ANKRD31: variants seen among roughly 807,000 people sequenced by gnomAD.
ANKRD31 encodes ankyrin repeat domain 31, also known as ankyrin repeat domain-containing protein 31.
In ANKRD31, 147 loss-of-function variants were observed where a neutral mutation model predicts 186.0. The ratio of observed to expected loss-of-function variants is 0.79; its 90% confidence interval spans 0.69 to 0.91. The LOEUF (loss-of-function observed/expected upper bound fraction) is 0.91, where lower values mean the gene tolerates loss of function less well. Among genes scored for constraint, ANKRD31 ranks in the 40% least tolerant of loss-of-function variants. The pLI, the probability that ANKRD31 is intolerant of heterozygous loss-of-function variation, is 0.00. For missense variants in ANKRD31, 1,986 were observed against 2,148.8 expected, an observed-to-expected ratio of 0.92 and a Z score of 1.50; for synonymous variants, 673 against 736.4, an observed-to-expected ratio of 0.91 and a Z score of 1.39.
chr5:75,188,759 G>C (rs1212674821), intron 9 of ANKRD31, 111 bp from the exon 10 acceptor site: 8 of 880,324 alleles, frequency 9.1e-6, no homozygotes, highest in Non-Finnish European at 1.3e-5. Context: ...TAGGTAACAG[G>C]ATTAACTCAG....
chr5:75,189,431 C>T (rs1754955581), intron 9 of ANKRD31, among the ~76,000 whole-genome samples: 1 of 152,134 alleles, frequency 6.6e-6, no homozygotes, highest in South Asian at 2.1e-4. Flanking sequence ...ATCCTAAAAC[C>T]TTACAAAGGT....
intron 4 of ANKRD31, among the ~76,000 whole-genome samples, chr5:75,210,589 G>C (rs1756559611): frequency 6.6e-6 from 1 of 152,122 alleles, no homozygotes; most frequent in African/African-American, 2.4e-5. Context: ...GCACCTTCAA[G>C]CTATGCTTTA....
intron 3 of ANKRD31, among the ~76,000 whole-genome samples, chr5:75,213,919 A>G (rs1019261196): frequency 6.6e-6 from 1 of 152,222 alleles, no homozygotes; most frequent in African/African-American, 2.4e-5. Flanking sequence ...CTGGCTCTCC[A>G]TGACACACTG....
At chr5:75,120,031 G>A (rs953274778) in intron 17 of ANKRD31, among the ~76,000 whole-genome samples, 1 of 152,152 alleles carries the variant, frequency 6.6e-6, no homozygotes, top group South Asian at 2.1e-4. Context: ...GTTGCTCTGA[G>A]TAACTCTTAA....
At chr5:75,121,180 T>TCA (rs1554074365) in intron 17 of ANKRD31, among the ~76,000 whole-genome samples, 1 of 124,480 alleles carries the variant, frequency 8.0e-6, no homozygotes, top group Admixed American at 8.3e-5. Flanking sequence ...AGACTCTATA[T>TCA]AAAAAAAAAA....
chr5:75,188,625 A>G lies in ANKRD31; in HGVS notation c.1432T>C (p.Ser478Pro), dbSNP rs1233133599. Residue 478 changes from serine (S) to proline (P), a missense_variant, in exon 10 of 26, where the codon TCT (serine) becomes CCT (proline). Ser to Pro is a moderately conservative substitution (Grantham distance 74). Coordinates refer to ENST00000506364, the MANE Select transcript of ANKRD31 (RefSeq NM_001372053.1). ...KKEKMKVNKI[S>P]LHSINRRNIF... The stretch of plus-strand genomic sequence containing the variant: ...TTTCTCCGGTTAATGCTATGAAGAG[A>G]TATTTTGTTCACCTTCATTTTTTCT... 2 of 1,531,140 alleles carry G rather than the reference A, an allele frequency of 1.3e-6. No homozygotes were observed. The highest frequency in any genetic ancestry group is 2.0e-5 in the Admixed American group (1 of 49,756). 94.8% of individuals were successfully genotyped at this position (1,531,140 alleles called of 1,614,324 possible).
intron 10 of ANKRD31, among the ~76,000 whole-genome samples, chr5:75,177,611 A>G (rs202037124): frequency 6.6e-6 from 1 of 152,240 alleles, no homozygotes; most frequent in East Asian, 1.9e-4. Flanking sequence ...TTTCAAACCA[A>G]AATTTCATAT....
At chr5:75,140,007 A>G (rs1750892845) in intron 15 of ANKRD31, among the ~76,000 whole-genome samples, 1 of 152,068 alleles carries the variant, frequency 6.6e-6, no homozygotes, top group Admixed American at 6.6e-5. Flanking sequence ...AGGGCCAGGC[A>G]CGGTGGCTGA....
chr5:75,135,620 C>G (rs1263599171), intron 17 of ANKRD31, among the ~76,000 whole-genome samples: 2 of 152,088 alleles, frequency 1.3e-5, no homozygotes, highest in Admixed American at 6.5e-5. Flanking sequence ...CAATGCCATC[C>G]CCATCAAGCT....
At position 75,112,562 on chromosome 5, in the gene ANKRD31, T is replaced by G. The variant is rs1425563835; in HGVS notation, c.4194A>C (p.Glu1398Asp). ...CAAACTCTAATAAATATTCTTGTTT[T>G]TCTTCTATATCTTGTAGAATGGCAC... is the stretch of plus-strand genomic sequence containing the variant. Reference protein sequence around the residue: ...TLSAILQDIEEKQEYLLEFEI... With the variant: ...TLSAILQDIEDKQEYLLEFEI... Residue 1398 changes from glutamate (E) to aspartate (D), a missense_variant, in exon 20 of 26, where the codon GAA becomes GAC. Coordinates refer to ENST00000506364, the MANE Select transcript of ANKRD31 (RefSeq NM_001372053.1). The G allele has an allele frequency of 4.6e-6, 7 of 1,526,108 alleles. No individual in the cohort carries two copies. The South Asian group carries it at 4.8e-5, about 11-fold the overall frequency. 94.5% of individuals were successfully genotyped at this position (1,526,108 alleles called of 1,614,324 possible).
intron 25 of ANKRD31, among the ~76,000 whole-genome samples, chr5:75,069,018 G>A (rs117179522): frequency 7.2e-5 from 11 of 152,086 alleles, no homozygotes; most frequent in Admixed American, 3.9e-4. Context: ...TTAGCATACC[G>A]CCGGGCATAT....
intron 4 of ANKRD31, among the ~76,000 whole-genome samples, chr5:75,210,576 T>C (rs1034313686): frequency 1.3e-4 from 20 of 152,222 alleles, no homozygotes; most frequent in Admixed American, 9.8e-4. Context: ...CCTTCATAAA[T>C]TTGCACCTTC....
In ANKRD31 at chr5:75,112,620, G is replaced by T; in HGVS notation, c.4156-20C>A. ...CTGATGCTATCAGATAAAAATATTTGAAACTTCATTATAAAGGGGTAGATA... is the reference window on the plus strand; with the variant it reads ...CTGATGCTATCAGATAAAAATATTTTAAACTTCATTATAAAGGGGTAGATA... On this transcript the variant is annotated intron_variant, in intron 19 of 25. Transcript: ENST00000506364. The T allele has an allele frequency of 7.0e-7, 1 of 1,437,000 alleles. No individual in the cohort carries two copies. Among genetic ancestry groups the T allele is most frequent in the African/African-American group, 1.4e-5 (1 of 69,956 alleles). 89.0% of individuals were successfully genotyped at this position (1,437,000 alleles called of 1,614,324 possible). A position where few individuals can be genotyped will look rare whatever the true frequency, so the allele number is the denominator to read the frequency against.
At chr5:75,162,883 C>A (rs1031502460) in intron 11 of ANKRD31, among the ~76,000 whole-genome samples, 17 of 152,000 alleles carry the variant, frequency 1.1e-4, no homozygotes, top group African/African-American at 3.9e-4. Flanking sequence ...AAAAAAAAAT[C>A]TTGAGTTCAT....
chr5:75,146,765 T>C lies in ANKRD31; in HGVS notation c.2646A>G (p.Arg882=). ...ENSNLVPKDE[R]FNKWENSFLS... ...GGAAAGAATTTTCCCATTTGTTAAA[T>C]CTCTCATCTTTTGGGACCAAGTTAC... The change falls in exon 14 of 26, where the codon AGA becomes AGG. Residue 882 remains arginine, a synonymous_variant. Transcript: ENST00000506364. 6.5e-7 allele frequency: 1 copy of C among 1,536,238 alleles called. No individual in the cohort carries two copies. The highest frequency in any genetic ancestry group is 8.7e-7 in the Non-Finnish European group (1 of 1,146,306).
intron 22 of ANKRD31, among the ~76,000 whole-genome samples, chr5:75,093,392 G>GA (rs1012784973): frequency 6.6e-6 from 1 of 152,096 alleles, no homozygotes; most frequent in Non-Finnish European, 1.5e-5. Flanking sequence ...TGAGGCAGGA[G>GA]AATCGCTTGA....
chr5:75,136,727 T>C (rs549357188), intron 17 of ANKRD31, among the ~76,000 whole-genome samples: 3 of 152,282 alleles, frequency 2.0e-5, no homozygotes, highest in East Asian at 1.9e-4. Flanking sequence ...ACGTTTATTG[T>C]GGCACTATTC....
In ANKRD31 at chr5:75,104,882, T is replaced by C. The variant is rs1334386609; in HGVS notation, c.4677A>G (p.Leu1559=). 5.9e-6 allele frequency: 9 copies of C among 1,537,230 alleles called. No individual in the cohort carries two copies. The highest frequency in any genetic ancestry group is 1.4e-5 in the African/African-American group (1 of 73,174). Residue 1559 remains leucine (L), a synonymous_variant, in exon 22 of 26, where the codon CTA becomes CTG. Coordinates refer to ENST00000506364, the MANE Select transcript of ANKRD31 (RefSeq NM_001372053.1). ...WNYSQNTNIC[L]NSEAVRRGEF... ...CTCCCCTTCTCACTGCCTCTGAATT[T>C]AGACAAATGTTGGTATTTTGGCTGT...
At chr5:75,220,360 G>T (rs1297090873) in intron 3 of ANKRD31, among the ~76,000 whole-genome samples, 1 of 152,192 alleles carries the variant, frequency 6.6e-6, no homozygotes, top group Non-Finnish European at 1.5e-5. Context: ...GTGGGCAATG[G>T]CCGGGAACGG....
Sources: allele counts gnomAD v4.1 joint callset (sites outside exome capture counted in the v4.1 genomes callset), GRCh38; gene constraint gnomAD v4.1.1; transcripts MANE v1.5; gene names NCBI Gene and HGNC (gene_info 2026-07-23, HGNC 2026-07-21).